Variants in MAGI2 observed in about 807,000 individuals in gnomAD.
The protein encoded by MAGI2 is membrane-associated guanylate kinase, WW and PDZ domain-containing protein 2.
A neutral mutation model predicts 133.3 loss-of-function variants in MAGI2; 35 were observed. That is an observed-to-expected ratio of 0.26 (90% CI 0.20 to 0.35). The LOEUF (loss-of-function observed/expected upper bound fraction) is 0.35. Ranked by LOEUF, MAGI2 falls within the 10% of genes least tolerant of loss-of-function variation. The probability of loss-of-function intolerance (pLI) is 1.00; values close to 1 mark genes in which losing one functional copy is unlikely to be tolerated. For missense variants in MAGI2, 1,636 were observed against 1,863.4 expected, an observed-to-expected ratio of 0.88 and a Z score of 2.25; for synonymous variants, 729 against 710.6, an observed-to-expected ratio of 1.03 and a Z score of -0.41.
At chr7:78,638,976 G>A (rs1384655388) in intron 2 of MAGI2, among the ~76,000 whole-genome samples, 1 of 152,134 alleles carries the variant, frequency 6.6e-6, no homozygotes, top group Non-Finnish European at 1.5e-5. Context: ...TATTTAGTTT[G>A]AAGCTTTTAT....
intron 2 of MAGI2, among the ~76,000 whole-genome samples, chr7:78,877,020 T>C (rs1401520725): frequency 2.0e-5 from 3 of 152,328 alleles, no homozygotes; most frequent in Non-Finnish European, 4.4e-5. Flanking sequence ...TTGGTTCCTA[T>C]GTCATATCTC....
chr7:78,827,216 G>T (rs1245337694), intron 2 of MAGI2, among the ~76,000 whole-genome samples: 1 of 152,076 alleles, frequency 6.6e-6, no homozygotes, highest in African/African-American at 2.4e-5. Context: ...ACAAATATTG[G>T]GTTCTAATAC....
intron 2 of MAGI2, among the ~76,000 whole-genome samples, chr7:78,714,505 C>T (rs983999402): frequency 2.0e-5 from 3 of 152,158 alleles, no homozygotes; most frequent in South Asian, 4.1e-4. Flanking sequence ...TTCACTTAAG[C>T]TCTTCACATA....
intron 2 of MAGI2, among the ~76,000 whole-genome samples, chr7:78,635,279 T>C (rs956034842): frequency 7.9e-5 from 12 of 152,168 alleles, no homozygotes; most frequent in South Asian, 2.1e-4. Context: ...TGAAGGAACA[T>C]TGCTCTTTTT....
At chr7:78,687,685 T>C (rs1816479947) in intron 2 of MAGI2, among the ~76,000 whole-genome samples, 2 of 152,052 alleles carry the variant, frequency 1.3e-5, no homozygotes, top group African/African-American at 4.8e-5. Flanking sequence ...AATGAGCTTA[T>C]AGACTGGGCG....
chr7:79,171,663 C>T (rs982071253), intron 1 of MAGI2, among the ~76,000 whole-genome samples: 49 of 144,106 alleles, frequency 3.4e-4, no homozygotes, highest in East Asian at 1.4e-3. Flanking sequence ...GTGATACTTT[C>T]ATTCAATAAA....
chr7:78,157,524 T>C (rs1469998080), intron 16 of MAGI2, among the ~76,000 whole-genome samples: 8 of 151,196 alleles, frequency 5.3e-5, no homozygotes, highest in South Asian at 2.1e-4. Context: ...TACACATACA[T>C]ACACACACAC....
chr7:78,195,473 C>T (rs1240154033), intron 11 of MAGI2, among the ~76,000 whole-genome samples: 3 of 152,220 alleles, frequency 2.0e-5, no homozygotes, highest in African/African-American at 7.2e-5. Context: ...ATCACTTTCA[C>T]TGGAGCAGAA....
Position 78,313,723 on chromosome 7 carries a change from T to G in MAGI2, c.1408+30055A>C, listed in dbSNP as rs144871497. 1.1e-4 allele frequency among the ~76,000 whole-genome samples: 17 copies of G among 152,236 alleles called. No individual in the cohort carries two copies. In the East Asian group the frequency reaches 3.3e-3, roughly 29 times the overall value. ...CAGTAGCACATTTTGTTTACTTTTT[T>G]GCTCTTAAAACTATATCTGCTAAGC... On this transcript the variant is annotated intron_variant, in intron 9 of 21. Coordinates refer to ENST00000354212, the MANE Select transcript of MAGI2 (RefSeq NM_012301.4).
intron 16 of MAGI2, among the ~76,000 whole-genome samples, chr7:78,144,502 AT>A (rs935387303): frequency 6.6e-6 from 1 of 151,986 alleles, no homozygotes; most frequent in African/African-American, 2.4e-5. Flanking sequence ...AGCGTTTATG[AT>A]TTCATTTATT....
chr7:78,239,023 T>C lies in MAGI2; in HGVS notation c.2047+16920A>G, dbSNP rs1298654637. Reference sequence around the variant, plus strand: ...AGCACAGCCCTGCCTCAAAATCTTCTGCTTGCATGGGCAATTCTATCCTGG... The same window carrying C: ...AGCACAGCCCTGCCTCAAAATCTTCCGCTTGCATGGGCAATTCTATCCTGG... On this transcript the variant is annotated intron_variant, in intron 10 of 21. Coordinates refer to ENST00000354212, the MANE Select transcript of MAGI2 (RefSeq NM_012301.4). Among the ~76,000 whole-genome samples, 20 of 150,218 alleles carry C rather than the reference T, an allele frequency of 1.3e-4. No individual in the cohort carries two copies. In the Admixed American group the frequency reaches 1.4e-3, roughly 10 times the overall value.
chr7:78,863,366 C>T (rs1370858838), intron 2 of MAGI2, among the ~76,000 whole-genome samples: 2 of 152,110 alleles, frequency 1.3e-5, no homozygotes, highest in African/African-American at 4.8e-5. Context: ...CAGGCTGTGT[C>T]CACTCATGGC....
chr7:79,225,240 A>T (rs1830749623), intron 1 of MAGI2, among the ~76,000 whole-genome samples: 1 of 151,962 alleles, frequency 6.6e-6, no homozygotes, highest in Non-Finnish European at 1.5e-5. Flanking sequence ...TGCACCACAA[A>T]CTCCTTAAGA....
At chr7:78,208,986 G>T (rs1477424877) in intron 10 of MAGI2, among the ~76,000 whole-genome samples, 5 of 151,444 alleles carry the variant, frequency 3.3e-5, no homozygotes, top group African/African-American at 1.2e-4. Context: ...ACTTTGGGAG[G>T]CCGAGGCAGG....
chr7:79,214,439 AT>A lies in MAGI2; in HGVS notation c.302-207234del, dbSNP rs1563003639. Among the ~76,000 whole-genome samples, 44 of 125,878 alleles carry A rather than the reference AT, an allele frequency of 3.5e-4. 1 individual carries two copies. Among genetic ancestry groups the A allele is most frequent in the Non-Finnish European group, 5.8e-4 (35 of 60,764 alleles). The allele number at this position is 125,878 out of a possible 152,430, so 82.6% of individuals were successfully genotyped here. A position where few individuals can be genotyped will look rare whatever the true frequency, so the allele number is the denominator to read the frequency against. ...TATATATATATATATATATATATAT[AT>A]ATAAATATGCACACACACACAAACA... On this transcript the variant is annotated intron_variant, in intron 1 of 21. Transcript: ENST00000354212.
intron 2 of MAGI2, among the ~76,000 whole-genome samples, chr7:78,733,286 A>G (rs1273662358): frequency 6.6e-6 from 1 of 152,206 alleles, no homozygotes; most frequent in Non-Finnish European, 1.5e-5. Context: ...GTGGGGCCTT[A>G]TTCTACTTCA....
chr7:78,326,674 A>ATT (rs75364049), intron 9 of MAGI2, among the ~76,000 whole-genome samples: 8 of 152,036 alleles, frequency 5.3e-5, no homozygotes, highest in Non-Finnish European at 7.4e-5. Context: ...ATAAGATAGT[A>ATT]TTTTTTACCA....
chr7:78,810,652 G>A (rs1227924464), intron 2 of MAGI2, among the ~76,000 whole-genome samples: 1 of 151,970 alleles, frequency 6.6e-6, no homozygotes, highest in Non-Finnish European at 1.5e-5. Context: ...TGGACTAGAG[G>A]TTCTTTTTTC....
chr7:78,966,564 C>T (rs749137276), intron 2 of MAGI2, among the ~76,000 whole-genome samples: 1 of 152,052 alleles, frequency 6.6e-6, no homozygotes, highest in Admixed American at 6.6e-5. Context: ...TTTTCTTTAT[C>T]TACTCATCTG....
Sources: gnomAD v4.1 joint callset for allele counts (sites outside exome capture counted in the v4.1 genomes callset) on GRCh38, gnomAD v4.1.1 for gene constraint, MANE v1.5 for transcripts, NCBI Gene and HGNC (gene_info 2026-07-23, HGNC 2026-07-21) for gene names.